FMR1: variants seen among roughly 807,000 people sequenced by gnomAD.
FMR1 encodes the protein FMRP translational regulator 1.
A neutral mutation model predicts 50.6 loss-of-function variants in FMR1; 13 were observed. That is an observed-to-expected ratio of 0.26 (90% CI 0.17 to 0.41). FMR1 has a LOEUF of 0.41. Ranked by LOEUF, FMR1 falls within the 10% of genes least tolerant of loss-of-function variation. The probability of loss-of-function intolerance (pLI) is 1.00; values close to 1 mark genes in which losing one functional copy is unlikely to be tolerated. For synonymous variants in FMR1, 138 were observed against 164.1 expected (o/e 0.84, Z 1.22); for missense variants, 316 against 491.3 (o/e 0.64, Z 3.37).
chrX:147,933,693 G>A, intron 9 of FMR1: 1 of 743,987 alleles, frequency 1.3e-6, no homozygotes, highest in Non-Finnish European at 1.6e-6. Context: ...CTGCCTATAT[G>A]TTTTTTATCT....
intron 1 of FMR1, among the ~76,000 whole-genome samples, chrX:147,919,461 T>C (rs1008682031): frequency 8.9e-6 from 1 of 112,203 alleles, no homozygotes; most frequent in Non-Finnish European, 1.9e-5. Flanking sequence ...TAAAATATCA[T>C]TGGCAGTATT....
At chrX:147,918,527 C>T (rs959956499) in intron 1 of FMR1, among the ~76,000 whole-genome samples, 1 of 96,270 alleles carries the variant, frequency 1.0e-5, no homozygotes, top group Admixed American at 1.2e-4. Context: ...CGGAAATCAT[C>T]CGGAAATGCA....
chrX:147,942,407 A>G (rs2044038732), intron 13 of FMR1, among the ~76,000 whole-genome samples: 1 of 112,338 alleles, frequency 8.9e-6, no homozygotes, highest in Non-Finnish European at 1.9e-5. Flanking sequence ...AGGGTCTGTC[A>G]TTGGACCCCA....
At chrX:147,930,570 C>A (rs141464173) in intron 7 of FMR1, among the ~76,000 whole-genome samples, 1,187 of 111,283 alleles carry the variant, frequency 0.011, 19 homozygotes, top group African/African-American at 0.037. Context: ...ATTTAAATAT[C>A]TAATCATATT....
intron 2 of FMR1, chrX:147,924,802 G>A (rs1229630197): frequency 9.1e-6 from 1 of 109,498 alleles, no homozygotes; most frequent in Non-Finnish European, 1.9e-5. Context: ...TTATAGGCTT[G>A]AGCCACCGCA....
intron 7 of FMR1, among the ~76,000 whole-genome samples, chrX:147,931,477 T>C (rs1557178678): frequency 8.9e-6 from 1 of 112,149 alleles, no homozygotes; most frequent in Non-Finnish European, 1.9e-5. Flanking sequence ...ATTCAAATTA[T>C]CAGGTCTGTT....
intron 3 of FMR1, among the ~76,000 whole-genome samples, chrX:147,926,780 G>A (rs1557177673): frequency 2.7e-5 from 3 of 111,767 alleles, no homozygotes; most frequent in African/African-American, 9.8e-5. Context: ...GAGCCACCAT[G>A]CCCAGCTGGT....
intron 10 of FMR1, among the ~76,000 whole-genome samples, chrX:147,936,884 G>T (rs1342179641): frequency 9.0e-6 from 1 of 111,152 alleles, no homozygotes; most frequent in African/African-American, 3.3e-5. Flanking sequence ...TACATCACTG[G>T]GTCGAGTGTT....
At chrX:147,944,013 G>A (rs1386819187) in intron 14 of FMR1, 1 of 205,116 alleles carries the variant, frequency 4.9e-6, no homozygotes, top group Non-Finnish European at 7.2e-6. Flanking sequence ...CCACAGGAAT[G>A]AAGCTATAAT....
At chrX:147,945,808 C>G (rs1557181854) in intron 16 of FMR1, 192 bp downstream of exon 16, 1 of 432,464 alleles carries the variant, frequency 2.3e-6, no homozygotes, top group Admixed American at 3.8e-5. Flanking sequence ...GAGGATTTCT[C>G]TAGAGAATAT....
At chrX:147,917,713 CTCATT>C (rs782446381) in intron 1 of FMR1, among the ~76,000 whole-genome samples, 13 of 111,785 alleles carry the variant, frequency 1.2e-4, no homozygotes, top group Non-Finnish European at 2.3e-4. Flanking sequence ...CTACTTTTCT[CTCATT>C]TATTTAGTGC....
chrX:147,941,206 C>T (rs1416094556), intron 13 of FMR1, among the ~76,000 whole-genome samples: 1 of 111,566 alleles, frequency 9.0e-6, no homozygotes. Flanking sequence ...AAGATAGGAA[C>T]GAGGAGGCTA....
intron 16 of FMR1, chrX:147,948,381 C>T: frequency 8.3e-6 from 7 of 842,801 alleles, no homozygotes; most frequent in Non-Finnish European, 1.0e-5. Context: ...TTCATTTTAC[C>T]TGTTTGTTTC....
chrX:147,949,932 A>G lies in FMR1; in HGVS notation c.*1088A>G, dbSNP rs1308391577. 9.8e-5 allele frequency: 32 copies of G among 325,690 alleles called. No individual in the cohort carries two copies. In the Admixed American group the frequency reaches 1.0e-3, roughly 10 times the overall value. The allele number at this position is 325,690 out of a possible 1,213,427, so 26.8% of individuals were successfully genotyped here. ...GGTACTTTGTCTAAGAAACATTGGA[A>G]GCAGGTTAAATGTTTTGTAAACTTT... On this transcript the variant is annotated 3_prime_UTR_variant, in exon 17 of 17. Coordinates refer to ENST00000370475, the MANE Select transcript of FMR1 (RefSeq NM_002024.6).
At chrX:147,948,432 G>T (rs1273313431) in intron 16 of FMR1, 2 of 1,009,148 alleles carry the variant, frequency 2.0e-6, no homozygotes, top group Non-Finnish European at 2.5e-6. Flanking sequence ...TGATAGGATT[G>T]TGAGTTTTTC....
chrX:147,945,793 A>C (rs1351368498), intron 16 of FMR1, 177 bp downstream of exon 16: 1 of 450,717 alleles, frequency 2.2e-6, no homozygotes, highest in African/African-American at 2.4e-5. Flanking sequence ...CAAGTATACA[A>C]ATAAGAGGAT....
In FMR1 at chrX:147,925,621, T is replaced by C; in HGVS notation, c.186T>C (p.Ser62=). Residue 62 remains serine, a synonymous_variant, in exon 3 of 17, where the codon AGT becomes AGC. Transcript: ENST00000370475. Reference sequence around the variant, plus strand: ...GTTATAATAAAGATATAAATGAAAGTGATGAAGTTGAGGTGAGTTTTCCCT... The same window carrying C: ...GTTATAATAAAGATATAAATGAAAGCGATGAAGTTGAGGTGAGTTTTCCCT... The part of the protein sequence containing the change: ...PVGYNKDINE[S]DEVEVYSRAN... 1.7e-6 allele frequency: 2 copies of C among 1,178,843 alleles called. No individual in the cohort carries two copies. The highest frequency in any genetic ancestry group is 2.3e-6 in the Non-Finnish European group (2 of 865,685).
At chrX:147,917,519 AT>A (rs1276633652) in intron 1 of FMR1, among the ~76,000 whole-genome samples, 11 of 111,014 alleles carry the variant, frequency 9.9e-5, no homozygotes, top group South Asian at 3.7e-4. Context: ...TTCTCATCAC[AT>A]TTTTTTTCTT....
rs139801134 is a variant in FMR1 at position 147,945,538 on chromosome X, C to T, written c.1659C>T (p.Asn553=). 14 of 1,202,445 alleles carry T rather than the reference C, an allele frequency of 1.2e-5. No homozygotes were observed. Among genetic ancestry groups the T allele is most frequent in the South Asian group, 1.8e-5 (1 of 56,582 alleles). Residue 553 remains asparagine (N), a synonymous_variant, in exon 16 of 17, where the codon AAC becomes AAT. Coordinates refer to ENST00000370475, the MANE Select transcript of FMR1 (RefSeq NM_002024.6). ...GRGRGGGFKG[N]DDHSRTDNRP... ...CTTTTGAAAATATTCTCATAGGAAA[C>T]GACGATCACTCCCGAACAGATAATC...
Sources: allele counts gnomAD v4.1 joint callset (sites outside exome capture counted in the v4.1 genomes callset), GRCh38; gene constraint gnomAD v4.1.1; transcripts MANE v1.5; gene names NCBI Gene and HGNC (gene_info 2026-07-23, HGNC 2026-07-21).